The following EGFR variants were observed in gnomAD, a reference collection of about 807,000 sequenced individuals.
The protein encoded by EGFR is avian erythroblastic leukemia viral (v-erb-b) oncogene homolog.
EGFR carries 58 observed loss-of-function variants against 143.0 expected under a neutral mutation model. That is an observed-to-expected ratio of 0.41 (90% CI 0.33 to 0.50). EGFR has a LOEUF of 0.50. EGFR is among the 20% of genes least tolerant of loss of function. EGFR has a pLI of 0.39. For synonymous variants in EGFR, 613 were observed against 594.4 expected, an observed-to-expected ratio of 1.03 and a Z score of -0.45; for missense variants, 1,307 against 1,579.0, an observed-to-expected ratio of 0.83 and a Z score of 2.92.
intron 1 of EGFR, among the ~76,000 whole-genome samples, chr7:55,088,291 C>A (rs1790886680): frequency 6.6e-6 from 1 of 152,166 alleles, no homozygotes; most frequent in African/African-American, 2.4e-5. Flanking sequence ...CCCCTTCGCA[C>A]AAAGAGCCCC....
chr7:55,054,556 C>T (rs1788677317), intron 1 of EGFR, among the ~76,000 whole-genome samples: 1 of 152,234 alleles, frequency 6.6e-6, no homozygotes, highest in Admixed American at 6.5e-5. Flanking sequence ...TCCCTCGTCT[C>T]TCAACAGTTG....
intron 4 of EGFR, among the ~76,000 whole-genome samples, chr7:55,147,300 A>C (rs1794817646): frequency 6.6e-6 from 1 of 152,230 alleles, no homozygotes; most frequent in East Asian, 1.9e-4. Flanking sequence ...GCAGGGAACC[A>C]GGCGCAGGTC....
chr7:55,193,085 G>A (rs942337141), intron 22 of EGFR, among the ~76,000 whole-genome samples: 1 of 151,880 alleles, frequency 6.6e-6, no homozygotes, highest in Non-Finnish European at 1.5e-5. Flanking sequence ...GGGGGTATGG[G>A]AGGGAAAGAG....
chr7:55,097,794 A>G (rs1429724276), intron 1 of EGFR, among the ~76,000 whole-genome samples: 2 of 152,048 alleles, frequency 1.3e-5, no homozygotes, highest in East Asian at 3.9e-4. Flanking sequence ...TTTGCCTAAC[A>G]ATGTCTATAG....
At chr7:55,022,027 AG>A (rs1786595836) in intron 1 of EGFR, among the ~76,000 whole-genome samples, 1 of 152,148 alleles carries the variant, frequency 6.6e-6, no homozygotes, top group South Asian at 2.1e-4. Context: ...GCAAGGGGAA[AG>A]GGCCCAGGGA....
At chr7:55,111,260 T>C (rs1792469609) in intron 1 of EGFR, among the ~76,000 whole-genome samples, 1 of 152,190 alleles carries the variant, frequency 6.6e-6, no homozygotes, top group South Asian at 2.1e-4. Context: ...TCTTTAGACA[T>C]TTTGTGGTTT....
chr7:55,174,083 G>A (rs762309300), intron 18 of EGFR, 40 bp downstream of exon 18: 2 of 1,613,702 alleles, frequency 1.2e-6, no homozygotes, highest in Admixed American at 3.3e-5. Context: ...GGGCCGCAGG[G>A]CCTCTCATGG....
intron 1 of EGFR, among the ~76,000 whole-genome samples, chr7:55,136,588 T>C (rs527306749): frequency 1.1e-3 from 166 of 152,292 alleles, no homozygotes; most frequent in Non-Finnish European, 1.8e-3. Flanking sequence ...CACACACACA[T>C]CCTTACAGAC....
At chr7:55,056,309 A>G (rs1788816404) in intron 1 of EGFR, among the ~76,000 whole-genome samples, 4 of 152,210 alleles carry the variant, frequency 2.6e-5, no homozygotes, top group Admixed American at 2.6e-4. Context: ...TCTAGTCAGG[A>G]AAGCAGGTAG....
rs41494749 is a variant in EGFR at position 55,202,564 on chromosome 7, C to T, written c.3210C>T (p.Ser1070=). 916 of 1,613,330 alleles carry T rather than the reference C, an allele frequency of 5.7e-4. 4 individuals are homozygous for T. The African/African-American group carries it at 0.01, about 18-fold the overall frequency. ...AAGACAGCTTCTTGCAGCGATACAG[C>T]TCAGACCCCACAGGCGCCTTGACTG... ...IKEDSFLQRY[S]SDPTGALTED... The change falls in exon 27 of 28, where the codon AGC becomes AGT. Residue 1070 remains serine, a synonymous_variant. Transcript: ENST00000275493.
chr7:55,074,122 C>T (rs1382362216), intron 1 of EGFR, among the ~76,000 whole-genome samples: 1 of 152,210 alleles, frequency 6.6e-6, no homozygotes, highest in Non-Finnish European at 1.5e-5. Context: ...TGCTGTTACC[C>T]CTGCTGCGCT....
At chr7:55,137,113 G>T (rs1293394775) in intron 1 of EGFR, among the ~76,000 whole-genome samples, 2 of 152,152 alleles carry the variant, frequency 1.3e-5, no homozygotes, top group Non-Finnish European at 2.9e-5. Context: ...GTAATGGTGG[G>T]TACTTAAGCT....
chr7:55,107,059 A>G (rs184352617), intron 1 of EGFR, among the ~76,000 whole-genome samples: 47 of 152,332 alleles, frequency 3.1e-4, no homozygotes, highest in South Asian at 1.2e-3. Flanking sequence ...AAATAAATAT[A>G]TGTGTGTGTG....
At chr7:55,064,201 A>T (rs1017865456) in intron 1 of EGFR, among the ~76,000 whole-genome samples, 39 of 152,260 alleles carry the variant, frequency 2.6e-4, no homozygotes, top group Non-Finnish European at 5.3e-4. Flanking sequence ...ATGCTTAAAA[A>T]TAGGTTGTAT....
At chr7:55,133,320 T>A (rs2128921396) in intron 1 of EGFR, among the ~76,000 whole-genome samples, 1 of 152,122 alleles carries the variant, frequency 6.6e-6, no homozygotes, top group South Asian at 2.1e-4. Context: ...CCTGCTGGGG[T>A]GGTGGAGGCT....
chr7:55,132,000 T>C (rs990017742), intron 1 of EGFR, among the ~76,000 whole-genome samples: 1 of 151,412 alleles, frequency 6.6e-6, no homozygotes, highest in Non-Finnish European at 1.5e-5. Flanking sequence ...GTCTTTGTGA[T>C]TGCTCTTTTC....
At chr7:55,049,431 G>A (rs1788358522) in intron 1 of EGFR, among the ~76,000 whole-genome samples, 1 of 152,212 alleles carries the variant, frequency 6.6e-6, no homozygotes, top group African/African-American at 2.4e-5. Context: ...GCACTCAGCA[G>A]TGAAAGGGTT....
intron 15 of EGFR, chr7:55,170,330 C>G (rs1296564867): frequency 6.2e-7 from 1 of 1,614,186 alleles, no homozygotes; most frequent in Non-Finnish European, 8.5e-7. Context: ...AGTCTCAAAG[C>G]CATGTTATTC....
intron 1 of EGFR, among the ~76,000 whole-genome samples, chr7:55,070,232 G>A (rs1056708234): frequency 3.3e-5 from 5 of 152,160 alleles, no homozygotes; most frequent in Non-Finnish European, 7.3e-5. Context: ...AGCAATGAAA[G>A]CTCTGGGTTT....
Sources: gnomAD v4.1 joint callset for allele counts (sites outside exome capture counted in the v4.1 genomes callset) on GRCh38, gnomAD v4.1.1 for gene constraint, MANE v1.5 for transcripts, NCBI Gene and HGNC (gene_info 2026-07-23, HGNC 2026-07-21) for gene names.